KSR2: variants seen among roughly 807,000 people sequenced by gnomAD.
KSR2 encodes kinase suppressor of ras 2.
A neutral mutation model predicts 107.8 loss-of-function variants in KSR2; 25 were observed. That is an observed-to-expected ratio of 0.23 (90% confidence interval 0.17 to 0.32). KSR2 has a LOEUF of 0.32. Ranked by LOEUF, KSR2 falls within the 10% of genes least tolerant of loss-of-function variation. KSR2 has a pLI of 1.00. For missense variants in KSR2, 887 were observed against 1,268.9 expected (o/e 0.70, Z 4.57); for synonymous variants, 480 against 507.0 (o/e 0.95, Z 0.71).
chr12:117,944,330 C>T (rs992205142), intron 1 of KSR2, among the ~76,000 whole-genome samples: 1 of 152,158 alleles, frequency 6.6e-6, no homozygotes, highest in Non-Finnish European at 1.5e-5. Context: ...GAGCCGAGAT[C>T]GTGCCATTGC....
At chr12:117,733,099 G>C (rs2136742875) in intron 4 of KSR2, among the ~76,000 whole-genome samples, 1 of 152,266 alleles carries the variant, frequency 6.6e-6, no homozygotes. Flanking sequence ...CTAGATTGAG[G>C]CCTTGAGGCC....
chr12:117,748,679 A>G (rs1456402755), intron 4 of KSR2, among the ~76,000 whole-genome samples: 1 of 152,224 alleles, frequency 6.6e-6, no homozygotes, highest in Non-Finnish European at 1.5e-5. Flanking sequence ...TTCTAATAAC[A>G]AATTAATCAA....
chr12:117,620,121 G>A (rs1250829392), intron 5 of KSR2, among the ~76,000 whole-genome samples: 1 of 152,102 alleles, frequency 6.6e-6, no homozygotes, highest in Non-Finnish European at 1.5e-5. Flanking sequence ...CTTTAGAGAT[G>A]AGAAAATGGA....
chr12:117,510,825 C>T (rs1175381599), intron 14 of KSR2, among the ~76,000 whole-genome samples: 4 of 147,114 alleles, frequency 2.7e-5, no homozygotes, highest in African/African-American at 5.1e-5. Context: ...TTGCAGTGAG[C>T]TGAGATCGCA....
chr12:117,713,242 TAGAC>T (rs889131210), intron 4 of KSR2, among the ~76,000 whole-genome samples: 1 of 151,864 alleles, frequency 6.6e-6, no homozygotes, highest in African/African-American at 2.4e-5. Context: ...TATATCTAAG[TAGAC>T]AGATGATTGA....
chr12:117,705,419 G>A (rs1343203954), intron 4 of KSR2, among the ~76,000 whole-genome samples: 2 of 152,204 alleles, frequency 1.3e-5, no homozygotes, highest in Admixed American at 6.5e-5. Context: ...ACAAGACACC[G>A]GACAATGGGT....
At chr12:117,662,866 T>C (rs1369524422) in intron 5 of KSR2, among the ~76,000 whole-genome samples, 1 of 152,210 alleles carries the variant, frequency 6.6e-6, no homozygotes, top group Non-Finnish European at 1.5e-5. Context: ...TACTATGTCA[T>C]TCCTCATCTT....
chr12:117,889,205 A>G (rs539161430), intron 1 of KSR2, among the ~76,000 whole-genome samples: 7 of 152,288 alleles, frequency 4.6e-5, no homozygotes, highest in African/African-American at 1.4e-4. Context: ...CTCAGGCCAC[A>G]TGTAGAAGGA....
At chr12:117,826,473 T>C (rs1891756659) in intron 3 of KSR2, among the ~76,000 whole-genome samples, 1 of 136,550 alleles carries the variant, frequency 7.3e-6, no homozygotes, top group Non-Finnish European at 1.6e-5. Context: ...GAAAAAAAGA[T>C]CTTTTTGAAG....
At chr12:117,961,365 A>G (rs1457412851) in intron 1 of KSR2, among the ~76,000 whole-genome samples, 1 of 152,162 alleles carries the variant, frequency 6.6e-6, no homozygotes, top group Non-Finnish European at 1.5e-5. Context: ...AGCGAACAAG[A>G]AAAAGACATT....
At chr12:117,942,354 C>T (rs1485286384) in intron 1 of KSR2, among the ~76,000 whole-genome samples, 3 of 152,226 alleles carry the variant, frequency 2.0e-5, no homozygotes, top group Admixed American at 6.5e-5. Flanking sequence ...TATTTTTGAC[C>T]CACTAACCAA....
chr12:117,647,495 G>T (rs920952420), intron 5 of KSR2, among the ~76,000 whole-genome samples: 1 of 152,144 alleles, frequency 6.6e-6, no homozygotes, highest in Non-Finnish European at 1.5e-5. Context: ...GCACGTCCAC[G>T]CAAGGCCTTG....
At chr12:117,838,654 T>C (rs1254538128) in intron 3 of KSR2, among the ~76,000 whole-genome samples, 2 of 152,148 alleles carry the variant, frequency 1.3e-5, no homozygotes, top group Non-Finnish European at 1.5e-5. Context: ...GTTGTACCAC[T>C]TGTGCAAATA....
At chr12:117,517,488 A>G (rs1024692009) in intron 14 of KSR2, among the ~76,000 whole-genome samples, 22 of 152,210 alleles carry the variant, frequency 1.4e-4, no homozygotes, top group African/African-American at 5.1e-4. Flanking sequence ...CTAATTCAGG[A>G]TCTTTGAGAT....
chr12:117,599,721 A>G (rs1173556906), intron 5 of KSR2, among the ~76,000 whole-genome samples: 2 of 152,168 alleles, frequency 1.3e-5, no homozygotes, highest in Admixed American at 1.3e-4. Context: ...ATTTCCCCAG[A>G]CTGAAAACCA....
chr12:117,693,942 T>C (rs1258183644), intron 4 of KSR2, among the ~76,000 whole-genome samples: 1 of 152,322 alleles, frequency 6.6e-6, no homozygotes, highest in African/African-American at 2.4e-5. Flanking sequence ...ACTTACTTTC[T>C]TCCAATTCCA....
At chr12:117,669,971 T>C (rs975987944) in intron 4 of KSR2, among the ~76,000 whole-genome samples, 1 of 151,978 alleles carries the variant, frequency 6.6e-6, no homozygotes, top group African/African-American at 2.4e-5. Context: ...AAATAGGGTA[T>C]TTAAGATTCT....
chr12:117,669,220 A>G (rs1444724908), intron 4 of KSR2, among the ~76,000 whole-genome samples: 1 of 152,242 alleles, frequency 6.6e-6, no homozygotes, highest in Non-Finnish European at 1.5e-5. Flanking sequence ...TAACTCACTG[A>G]AACGGGTAAT....
At chr12:117,685,582 C>T (rs1168673967) in intron 4 of KSR2, among the ~76,000 whole-genome samples, 2 of 152,248 alleles carry the variant, frequency 1.3e-5, no homozygotes, top group Non-Finnish European at 2.9e-5. Context: ...CTTCTGCCCG[C>T]ATCTCCTGGC....
Sources: allele counts gnomAD v4.1 joint callset (sites outside exome capture counted in the v4.1 genomes callset), GRCh38; gene constraint gnomAD v4.1.1; transcripts MANE v1.5; gene names NCBI Gene and HGNC (gene_info 2026-07-23, HGNC 2026-07-21).